Variants in MRPL1 observed in about 807,000 individuals in gnomAD.
The protein encoded by MRPL1 is large ribosomal subunit protein uL1m.
MRPL1 carries 28 observed loss-of-function variants against 38.0 expected under a neutral mutation model. The observed-to-expected ratio is 0.74, with a 90% CI of 0.55 to 1.01. The LOEUF (loss-of-function observed/expected upper bound fraction) is 1.01. Ranked by LOEUF, MRPL1 falls within the 50% of genes least tolerant of loss-of-function variation. MRPL1 has a pLI of 0.00. For missense variants in MRPL1, 358 were observed against 389.8 expected (o/e 0.92, Z 0.69); for synonymous variants, 123 against 126.7 (o/e 0.97, Z 0.20).
chr4:77,917,402 T>G (rs1736446406), intron 7 of MRPL1, among the ~76,000 whole-genome samples: 1 of 152,132 alleles, frequency 6.6e-6, no homozygotes, highest in Non-Finnish European at 1.5e-5. Context: ...AAAGAAAGCC[T>G]TTTCTATCCA....
intron 7 of MRPL1, among the ~76,000 whole-genome samples, chr4:77,931,296 G>A (rs1736838471): frequency 6.6e-6 from 1 of 152,238 alleles, no homozygotes; most frequent in Non-Finnish European, 1.5e-5. Flanking sequence ...TAACCACATT[G>A]CTAAAGCTAA....
Position 77,871,825 on chromosome 4 carries a change from T to C in MRPL1, c.113T>C (p.Val38Ala). The C allele has an allele frequency of 6.2e-7, 1 of 1,602,934 alleles. No individual in the cohort carries two copies. Among genetic ancestry groups the C allele is most frequent in the Non-Finnish European group, 8.5e-7 (1 of 1,176,528 alleles). ...SLCSCSVNIR[V>A]PNRHFAAATK... is the part of the protein sequence containing the mutation. ...TGTTCTTGTTCTGTAAACATCCGAG[T>C]GCCCAACAGACATTTTGCTGCTGCT... is the stretch of plus-strand genomic sequence containing the variant. Residue 38 changes from valine (V) to alanine (A), a missense_variant, in exon 2 of 9, where the codon GTG becomes GCG. Val to Ala is a moderately conservative substitution (Grantham distance 64). Transcript: ENST00000315567.
intron 1 of MRPL1, among the ~76,000 whole-genome samples, chr4:77,866,200 T>G (rs892935356): frequency 6.6e-6 from 1 of 152,064 alleles, no homozygotes; most frequent in Non-Finnish European, 1.5e-5. Flanking sequence ...TACAGGCACA[T>G]GCCACTGGGT....
intron 7 of MRPL1, among the ~76,000 whole-genome samples, chr4:77,948,885 C>T (rs1407642616): frequency 6.6e-6 from 1 of 152,000 alleles, no homozygotes; most frequent in Non-Finnish European, 1.5e-5. Context: ...ATTCTCCTGC[C>T]TCAGCCTCCC....
At chr4:77,917,963 G>A (rs1399727812) in intron 7 of MRPL1, among the ~76,000 whole-genome samples, 2 of 151,678 alleles carry the variant, frequency 1.3e-5, no homozygotes, top group Non-Finnish European at 2.9e-5. Flanking sequence ...GCTGAGGCAG[G>A]TGAACTGCTT....
intron 3 of MRPL1, 30 bp from the exon 4 acceptor site, chr4:77,885,226 C>A: frequency 6.7e-7 from 1 of 1,498,700 alleles, no homozygotes. Flanking sequence ...ATTAACTTTA[C>A]GTAATTATTT....
At chr4:77,898,684 G>C (rs1007451850) in intron 6 of MRPL1, among the ~76,000 whole-genome samples, 1 of 151,868 alleles carries the variant, frequency 6.6e-6, no homozygotes, top group Non-Finnish European at 1.5e-5. Flanking sequence ...AGTAGAGATG[G>C]GGTTTCACCA....
intron 6 of MRPL1, among the ~76,000 whole-genome samples, chr4:77,903,263 TATC>T (rs141461706): frequency 0.15 from 23,122 of 152,156 alleles, 2,042 homozygotes; most frequent in African/African-American, 0.23. Flanking sequence ...AAAACGTTGA[TATC>T]ATCTCAGATG....
intron 5 of MRPL1, among the ~76,000 whole-genome samples, chr4:77,888,568 G>T (rs142118221): frequency 6.6e-6 from 1 of 152,120 alleles, no homozygotes; most frequent in East Asian, 1.9e-4. Context: ...AGCTTGGAGA[G>T]CCTCTTTGAA....
At chr4:77,886,565 C>A (rs1421017861) in intron 4 of MRPL1, among the ~76,000 whole-genome samples, 1 of 152,024 alleles carries the variant, frequency 6.6e-6, no homozygotes, top group African/African-American at 2.4e-5. Flanking sequence ...AGCTCCTGAC[C>A]TTAGGTGACT....
At chr4:77,867,090 T>TA (rs1735164795) in intron 1 of MRPL1, among the ~76,000 whole-genome samples, 1 of 152,150 alleles carries the variant, frequency 6.6e-6, no homozygotes, top group Non-Finnish European at 1.5e-5. Flanking sequence ...CCACTATACT[T>TA]AAAATTGCAA....
rs191733712 is a variant in MRPL1, at chr4:77,924,528, A to C, written c.777+15156A>C. ...AATACCACATTTTAGAGAAGCCCCC[A>C]CCTTGAGACCCCTTCTCACAAAGCA... On this transcript the variant is annotated intron_variant, in intron 7 of 8. Coordinates refer to ENST00000315567, the MANE Select transcript of MRPL1 (RefSeq NM_020236.4). Among the ~76,000 whole-genome samples the C allele has an allele frequency of 4.6e-3, 702 of 152,080 alleles. 1 individual carries two copies. Among genetic ancestry groups the C allele is most frequent in the Non-Finnish European group, 6.2e-3 (419 of 67,992 alleles).
At chr4:77,935,271 C>T (rs1578061085) in intron 7 of MRPL1, among the ~76,000 whole-genome samples, 2 of 151,922 alleles carry the variant, frequency 1.3e-5, no homozygotes, top group African/African-American at 2.4e-5. Flanking sequence ...TACTATCTTT[C>T]GATTTTAAAA....
At chr4:77,875,519 G>T (rs1438988131) in intron 2 of MRPL1, among the ~76,000 whole-genome samples, 1 of 152,028 alleles carries the variant, frequency 6.6e-6, no homozygotes, top group Non-Finnish European at 1.5e-5. Context: ...GGGCTTGGTG[G>T]TGCATGCCTG....
At chr4:77,884,627 C>T (rs1195231823) in intron 3 of MRPL1, among the ~76,000 whole-genome samples, 1 of 152,136 alleles carries the variant, frequency 6.6e-6, no homozygotes, top group African/African-American at 2.4e-5. Flanking sequence ...TAGGTTGTTT[C>T]AAAAATAGAG....
chr4:77,929,869 G>A (rs1560472797), intron 7 of MRPL1, among the ~76,000 whole-genome samples: 1 of 152,020 alleles, frequency 6.6e-6, no homozygotes, highest in Non-Finnish European at 1.5e-5. Flanking sequence ...TATTTACCAA[G>A]TTTAAAATAT....
chr4:77,907,149 C>T, intron 6 of MRPL1: 4 of 984,394 alleles, frequency 4.1e-6, no homozygotes, highest in Non-Finnish European at 4.8e-6. Flanking sequence ...GCACAGTCTT[C>T]ATTCTATTTC....
chr4:77,872,726 G>T (rs549284342), intron 2 of MRPL1, among the ~76,000 whole-genome samples: 44 of 152,324 alleles, frequency 2.9e-4, no homozygotes, highest in African/African-American at 1.1e-3. Context: ...GGCCGGGTGT[G>T]GGGGCAGGCA....
At chr4:77,936,178 T>TA (rs11431103) in intron 7 of MRPL1, among the ~76,000 whole-genome samples, 27 of 152,020 alleles carry the variant, frequency 1.8e-4, no homozygotes, top group African/African-American at 6.0e-4. Context: ...ATTTTTTTTT[T>TA]ATGTAATTGC....
Sources: allele counts gnomAD v4.1 joint callset (sites outside exome capture counted in the v4.1 genomes callset), GRCh38; gene constraint gnomAD v4.1.1; transcripts MANE v1.5; gene names NCBI Gene and HGNC (gene_info 2026-07-23, HGNC 2026-07-21).